Variants in KCNC2 observed in about 807,000 individuals in gnomAD.
KCNC2 encodes potassium voltage-gated channel subfamily C member 2.
Under a neutral mutation model 44.5 loss-of-function variants are expected in KCNC2, and 21 were observed. The ratio of observed to expected loss-of-function variants is 0.47; its 90% CI spans 0.33 to 0.68. The LOEUF is 0.68. Among genes scored for constraint, KCNC2 ranks in the 30% least tolerant of loss-of-function variants. The pLI is 0.01. For synonymous variants in KCNC2, 391 were observed against 339.1 expected, an observed-to-expected ratio of 1.15 and a Z score of -1.68; for missense variants, 589 against 826.2, an observed-to-expected ratio of 0.71 and a Z score of 3.52.
intron 2 of KCNC2, among the ~76,000 whole-genome samples, chr12:75,078,546 A>T (rs1260500716): frequency 1.3e-5 from 2 of 152,180 alleles, no homozygotes; most frequent in African/African-American, 2.4e-5. Flanking sequence ...CTTACTATAC[A>T]AATAGTACTG....
intron 2 of KCNC2, among the ~76,000 whole-genome samples, chr12:75,060,742 A>T (rs1453618738): frequency 6.6e-6 from 1 of 152,100 alleles, no homozygotes; most frequent in Non-Finnish European, 1.5e-5. Flanking sequence ...AACTGCTGGG[A>T]TTATAGGCAT....
intron 3 of KCNC2, 99 bp from the exon 4 acceptor site, chr12:75,048,416 A>G: frequency 1.1e-6 from 1 of 885,692 alleles, no homozygotes; most frequent in Non-Finnish European, 1.6e-6. Context: ...GTCACTCGAT[A>G]TACAACACAC....
chr12:75,126,165 T>C (rs560322875), intron 2 of KCNC2, among the ~76,000 whole-genome samples: 4 of 152,160 alleles, frequency 2.6e-5, no homozygotes, highest in African/African-American at 7.2e-5. Flanking sequence ...TTTGTCTTTA[T>C]AGCATAACCT....
intron 2 of KCNC2, among the ~76,000 whole-genome samples, chr12:75,084,576 T>C (rs1884834452): frequency 6.6e-6 from 1 of 152,002 alleles, no homozygotes. Flanking sequence ...ATGTAAGAAG[T>C]GCCTTTCACC....
intron 2 of KCNC2, among the ~76,000 whole-genome samples, chr12:75,112,424 C>A (rs1333524637): frequency 6.6e-6 from 1 of 152,078 alleles, no homozygotes; most frequent in Admixed American, 6.5e-5. Flanking sequence ...TTTTTCTTAA[C>A]TCTTCCTACA....
rs114029768 is a variant in KCNC2, at chr12:75,197,044, A to G, written c.687+10253T>C. ...GCTCAAAGTGCATTCACCTGATATG[A>G]ATCATACCCAAATCCCACTGAATGA... On this transcript the variant is annotated intron_variant, in intron 2 of 4. Transcript: ENST00000549446. Among the ~76,000 whole-genome samples the G allele has an allele frequency of 3.7e-3, 567 of 152,144 alleles. 1 individual carries two copies. The highest frequency in any genetic ancestry group is 0.013 in the African/African-American group (534 of 41,530).
At chr12:75,186,105 G>T (rs1216616479) in intron 2 of KCNC2, among the ~76,000 whole-genome samples, 7 of 149,294 alleles carry the variant, frequency 4.7e-5, no homozygotes, top group Non-Finnish European at 1.0e-4. Context: ...AAATTTTATT[G>T]TAATTAAATA....
chr12:75,118,806 T>C (rs1887852016), intron 2 of KCNC2, among the ~76,000 whole-genome samples: 1 of 152,190 alleles, frequency 6.6e-6, no homozygotes, highest in African/African-American at 2.4e-5. Flanking sequence ...GGAGAGAGAC[T>C]ATGTTTTGTA....
In KCNC2 at chr12:75,042,850, T is replaced by A. The variant is rs1179661497; in HGVS notation, c.*255A>T. On this transcript the variant is annotated 3_prime_UTR_variant, in exon 5 of 5. Coordinates refer to ENST00000549446, the MANE Select transcript of KCNC2 (RefSeq NM_139137.4). ...GCACTGGTCAATATCTGACACTATC[T>A]GTCATTTTATTGCAAAAGGATATCA... The A allele has an allele frequency of 1.5e-6, 2 of 1,292,756 alleles. No individual in the cohort carries two copies. Among genetic ancestry groups the A allele is most frequent in the African/African-American group, 3.0e-5 (2 of 66,254 alleles). The allele number at this position is 1,292,756 out of a possible 1,614,324, so 80.1% of individuals were successfully genotyped here.
chr12:75,109,537 A>C (rs995496755), intron 2 of KCNC2, among the ~76,000 whole-genome samples: 2 of 152,182 alleles, frequency 1.3e-5, no homozygotes, highest in African/African-American at 4.8e-5. Context: ...TGCTAAACAA[A>C]TATTAAGGCT....
At position 75,181,916 on chromosome 12, in the gene KCNC2, C is replaced by CTTTTTTT. The variant is rs61089425; in HGVS notation, c.687+25374_687+25380dup. 2.4e-3 allele frequency among the ~76,000 whole-genome samples: 114 copies of CTTTTTTT among 47,876 alleles called. 32 individuals are homozygous for CTTTTTTT. The highest frequency in any genetic ancestry group is 3.8e-3 in the Non-Finnish European group (96 of 25,268). 31.4% of individuals were successfully genotyped at this position (47,876 alleles called of 152,430 possible). A position where few individuals can be genotyped will look rare whatever the true frequency, so the allele number is the denominator to read the frequency against. On this transcript the variant is annotated intron_variant, in intron 2 of 4. Transcript: ENST00000549446. ...AAACATTATTACTATTAATATCTTC[C>CTTTTTTT]TTTTTTTTTTTTTTTTTTTTTTTTT...
intron 2 of KCNC2, among the ~76,000 whole-genome samples, chr12:75,181,135 T>C (rs1892543826): frequency 6.6e-6 from 1 of 152,004 alleles, no homozygotes. Context: ...CTCATGGAAA[T>C]GGAAGAAAAA....
chr12:75,155,763 GCA>G (rs111684316), intron 2 of KCNC2, among the ~76,000 whole-genome samples: 2,170 of 151,516 alleles, frequency 0.014, 47 homozygotes, highest in African/African-American at 0.049. Flanking sequence ...GAGCAGCAGA[GCA>G]CAGTTCACTA....
At chr12:75,070,976 C>T (rs1883341927) in intron 2 of KCNC2, among the ~76,000 whole-genome samples, 1 of 151,766 alleles carries the variant, frequency 6.6e-6, no homozygotes, top group African/African-American at 2.4e-5. Context: ...TTTTATTTAT[C>T]TTGCTCAGTT....
chr12:75,115,684 G>A (rs1177395357), intron 2 of KCNC2, among the ~76,000 whole-genome samples: 1 of 151,950 alleles, frequency 6.6e-6, no homozygotes, highest in Non-Finnish European at 1.5e-5. Context: ...CTCTAAACTG[G>A]TACACTTGGA....
chr12:75,075,458 C>CATATATATATATATATATATATAT (rs5799200), intron 2 of KCNC2, among the ~76,000 whole-genome samples: 117 of 145,542 alleles, frequency 8.0e-4, no homozygotes, highest in Non-Finnish European at 1.2e-3. Flanking sequence ...TATATATATA[C>CATATATATATATATATATATATAT]ATATATATAT....
intron 2 of KCNC2, among the ~76,000 whole-genome samples, chr12:75,130,533 G>A (rs1888761858): frequency 6.6e-6 from 1 of 152,090 alleles, no homozygotes; most frequent in Admixed American, 6.6e-5. Context: ...CGGTTGTAAA[G>A]ATGAATAAAA....
intron 2 of KCNC2, among the ~76,000 whole-genome samples, chr12:75,144,877 A>G (rs1334937978): frequency 6.6e-6 from 1 of 152,072 alleles, no homozygotes; most frequent in Non-Finnish European, 1.5e-5. Flanking sequence ...GAGTCTTTCC[A>G]TAATCGAAAT....
At chr12:75,072,111 A>T (rs966315137) in intron 2 of KCNC2, among the ~76,000 whole-genome samples, 2 of 152,164 alleles carry the variant, frequency 1.3e-5, no homozygotes, top group Non-Finnish European at 2.9e-5. Flanking sequence ...GCTGACATAG[A>T]ATCAATATGT....
Sources: gnomAD v4.1 joint callset for allele counts (sites outside exome capture counted in the v4.1 genomes callset) on GRCh38, gnomAD v4.1.1 for gene constraint, MANE v1.5 for transcripts, NCBI Gene and HGNC (gene_info 2026-07-23, HGNC 2026-07-21) for gene names.